Variants in MREG observed in about 807,000 individuals in gnomAD.
MREG encodes the protein dilute suppressor protein homolog.
In MREG, 31 loss-of-function variants were observed where a neutral mutation model predicts 28.5. The observed-to-expected ratio is 1.09, with a 90% confidence interval of 0.82 to 1.47. The LOEUF (loss-of-function observed/expected upper bound fraction) is 1.47, where lower values mean the gene tolerates loss of function less well. Ranked by LOEUF, MREG falls within the 40% of genes most tolerant of loss-of-function variation. The probability of loss-of-function intolerance (pLI) is 0.00; values close to 1 mark genes in which losing one functional copy is unlikely to be tolerated. For synonymous variants in MREG, 106 were observed against 95.2 expected, an observed-to-expected ratio of 1.11 and a Z score of -0.66; for missense variants, 256 against 257.4, an observed-to-expected ratio of 0.99 and a Z score of 0.04.
intron 2 of MREG, among the ~76,000 whole-genome samples, chr2:215,995,574 A>T (rs1391425812): frequency 2.2e-5 from 3 of 135,620 alleles, no homozygotes; most frequent in African/African-American, 8.6e-5. Context: ...CAATTCCTCT[A>T]CACAAAGAAG....
At chr2:215,950,331 G>A (rs1692450709) in intron 2 of MREG, among the ~76,000 whole-genome samples, 1 of 152,130 alleles carries the variant, frequency 6.6e-6, no homozygotes, top group African/African-American at 2.4e-5. Context: ...GCTGTCCATC[G>A]ATTAGTCATT....
chr2:215,991,610 C>G (rs1468393255), intron 2 of MREG, among the ~76,000 whole-genome samples: 1 of 151,798 alleles, frequency 6.6e-6, no homozygotes, highest in Admixed American at 6.6e-5. Flanking sequence ...AATCCAGGAG[C>G]TGGCTTTTTG....
intron 1 of MREG, among the ~76,000 whole-genome samples, chr2:215,998,434 C>T (rs1371864534): frequency 2.0e-5 from 3 of 152,058 alleles, no homozygotes; most frequent in Admixed American, 2.0e-4. Flanking sequence ...AGACCAGCTA[C>T]CTGAATCAGC....
At chr2:216,030,187 G>T (rs1694658883) in intron 1 of MREG, among the ~76,000 whole-genome samples, 1 of 152,220 alleles carries the variant, frequency 6.6e-6, no homozygotes, top group African/African-American at 2.4e-5. Flanking sequence ...TATTGGGGGT[G>T]ATGGGTACTA....
At chr2:215,949,511 A>G (rs1360052089) in intron 2 of MREG, among the ~76,000 whole-genome samples, 2 of 151,724 alleles carry the variant, frequency 1.3e-5, no homozygotes, top group Non-Finnish European at 1.5e-5. Flanking sequence ...CAGTGAGCCG[A>G]GATCACGCCT....
intron 3 of MREG, 44 bp from the exon 4 acceptor site, chr2:215,945,778 T>G: frequency 6.4e-7 from 1 of 1,560,530 alleles, no homozygotes; most frequent in East Asian, 2.3e-5. Context: ...AGTCCCAAGT[T>G]AACAAGTGTT....
At chr2:215,977,360 G>T (rs1226891893) in intron 2 of MREG, among the ~76,000 whole-genome samples, 2 of 152,104 alleles carry the variant, frequency 1.3e-5, no homozygotes, top group Non-Finnish European at 2.9e-5. Context: ...CCCAATACAG[G>T]AGCACCCAGA....
intron 2 of MREG, among the ~76,000 whole-genome samples, chr2:215,990,010 G>A (rs750401083): frequency 2.6e-5 from 4 of 152,096 alleles, no homozygotes; most frequent in Non-Finnish European, 5.9e-5. Flanking sequence ...AACTTAGCAA[G>A]ACAGGCCAAC....
At chr2:215,999,891 C>T (rs1452696067) in intron 1 of MREG, among the ~76,000 whole-genome samples, 1 of 152,090 alleles carries the variant, frequency 6.6e-6, no homozygotes, top group Non-Finnish European at 1.5e-5. Flanking sequence ...GATGTGGGAG[C>T]AATACGCAGC....
At chr2:215,980,555 T>A (rs558253375) in intron 2 of MREG, among the ~76,000 whole-genome samples, 1 of 152,350 alleles carries the variant, frequency 6.6e-6, no homozygotes, top group South Asian at 2.1e-4. Flanking sequence ...ACAGTTTCAG[T>A]GCATCTACTT....
At chr2:215,945,230 C>A (rs79458728) in intron 4 of MREG, among the ~76,000 whole-genome samples, 11,721 of 152,256 alleles carry the variant, frequency 0.077, 516 homozygotes, top group Middle Eastern at 0.21. Flanking sequence ...CAGATTATTT[C>A]TTAGTCTTAT....
intron 1 of MREG, among the ~76,000 whole-genome samples, chr2:216,022,902 T>C (rs755518327): frequency 2.0e-5 from 3 of 152,204 alleles, no homozygotes; most frequent in Non-Finnish European, 4.4e-5. Context: ...TCAAAAACTG[T>C]AGTAGGAGAA....
chr2:215,952,467 TCAATTAAATATTTTAAAA>T (rs1303829185), intron 2 of MREG, among the ~76,000 whole-genome samples: 1 of 152,174 alleles, frequency 6.6e-6, no homozygotes, highest in East Asian at 1.9e-4. Flanking sequence ...TTTTCACTTG[TCAATTAAATATTTTAAAA>T]TTAAAACACA....
chr2:216,029,799 A>G (rs1694652253), intron 1 of MREG, among the ~76,000 whole-genome samples: 1 of 152,244 alleles, frequency 6.6e-6, no homozygotes, highest in South Asian at 2.1e-4. Context: ...TTTGTTTTTG[A>G]CAGGGATTCA....
At chr2:215,985,610 G>T (rs760303456) in intron 2 of MREG, among the ~76,000 whole-genome samples, 21 of 151,854 alleles carry the variant, frequency 1.4e-4, no homozygotes, top group Non-Finnish European at 2.9e-4. Flanking sequence ...TTTTTTTCCT[G>T]ACTTTTTTTC....
intron 2 of MREG, among the ~76,000 whole-genome samples, chr2:215,950,010 A>G (rs185029108): frequency 1.3e-5 from 2 of 152,356 alleles, no homozygotes; most frequent in Admixed American, 6.5e-5. Context: ...CACTGTGCTT[A>G]TTCTCAGTGA....
intron 1 of MREG, among the ~76,000 whole-genome samples, chr2:216,030,918 T>C (rs1387304800): frequency 1.4e-5 from 2 of 138,072 alleles, no homozygotes; most frequent in African/African-American, 2.7e-5. Context: ...AAGCCCACTA[T>C]GAGGCCCATT....
At chr2:215,963,345 G>T (rs1186541780) in intron 2 of MREG, among the ~76,000 whole-genome samples, 1 of 151,176 alleles carries the variant, frequency 6.6e-6, no homozygotes, top group Non-Finnish European at 1.5e-5. Flanking sequence ...TGTGAGGATG[G>T]CTTGAGCCTG....
chr2:216,003,739 G>A (rs1370652271), intron 1 of MREG, among the ~76,000 whole-genome samples: 1 of 152,112 alleles, frequency 6.6e-6, no homozygotes, highest in African/African-American at 2.4e-5. Flanking sequence ...CTCAGGCCAA[G>A]ACCCTTGACG....
Sources: gnomAD v4.1 joint callset for allele counts (sites outside exome capture counted in the v4.1 genomes callset) on GRCh38, gnomAD v4.1.1 for gene constraint, MANE v1.5 for transcripts, NCBI Gene and HGNC (gene_info 2026-07-23, HGNC 2026-07-21) for gene names.